The following SENP1 variants were observed in gnomAD, a reference collection of about 807,000 sequenced individuals.
The protein encoded by SENP1 is sentrin-specific protease 1.
In SENP1, 21 loss-of-function variants were observed where a neutral mutation model predicts 93.0. That is an observed-to-expected ratio of 0.23 (90% confidence interval 0.16 to 0.33). The LOEUF (loss-of-function observed/expected upper bound fraction) is 0.33. Ranked by LOEUF, SENP1 falls within the 10% of genes least tolerant of loss-of-function variation. The pLI, the probability that SENP1 is intolerant of heterozygous loss-of-function variation, is 1.00. For missense variants in SENP1, 591 were observed against 758.7 expected (o/e 0.78, Z 2.60); for synonymous variants, 256 against 259.6 (o/e 0.99, Z 0.13).
Position 48,083,665 on chromosome 12 carries a change from A to C in SENP1, c.478T>G (p.Trp160Gly). The C allele has an allele frequency of 6.2e-7, 1 of 1,613,804 alleles. No homozygotes were observed. The highest frequency in any genetic ancestry group is 8.5e-7 in the Non-Finnish European group (1 of 1,179,724). ...FPIKPVPSPS[W>G]SGSCRRSLLS... ...AGACTTCGACGACATGAACCACTCC[A>C]AGATGGACTTGGAACAGGTTTAATA... Residue 160 changes from tryptophan (W) to glycine (G), a missense_variant, in exon 6 of 18, where the codon TGG becomes GGG. Transcript: ENST00000549518.
chr12:48,060,734 C>A (rs1474084835), intron 13 of SENP1, among the ~76,000 whole-genome samples: 3 of 152,138 alleles, frequency 2.0e-5, no homozygotes. Flanking sequence ...AGGCATGAGC[C>A]ACTGCTCCCA....
In SENP1 at chr12:48,088,960, T is replaced by C. The variant is rs1276621123; in HGVS notation, c.221A>G (p.Asp74Gly). 1.3e-6 allele frequency: 2 copies of C among 1,570,876 alleles called. No homozygotes were observed. The highest frequency in any genetic ancestry group is 1.4e-5 in the African/African-American group (1 of 72,664). Residue 74 changes from aspartate (D) to glycine (G), a missense_variant and splice_region_variant, in exon 5 of 18, where the codon GAT becomes GGT. By Grantham distance (94) the Asp-to-Gly change is moderately conservative. Around this residue, in one of 4 missense-constraint regions of SENP1, gnomAD observed 214 missense variants for 243.4 expected, o/e 0.88. Coordinates refer to ENST00000549518, the MANE Select transcript of SENP1 (RefSeq NM_001267594.2). ...AAGAAAACTGTCTGAGGAAGGATTA[T>C]CTAAAAAAATAAAAGTTTGAATAAA... ...SAAYNPSYYS[D>G]NPSSDSFLGS...
chr12:48,063,895 G>A (rs936824448), intron 12 of SENP1, 54 bp from the exon 13 acceptor site: 35 of 1,528,466 alleles, frequency 2.3e-5, no homozygotes, highest in Middle Eastern at 1.7e-4. Flanking sequence ...CAGAAAAACC[G>A]TATTTCTCAC....
chr12:48,069,674 T>C (rs901130092), intron 9 of SENP1, among the ~76,000 whole-genome samples: 13 of 152,176 alleles, frequency 8.5e-5, no homozygotes, highest in Non-Finnish European at 1.5e-4. Flanking sequence ...AAGGTATCAA[T>C]ACTGGCATTT....
At chr12:48,048,201 A>T (rs1941517854) in intron 14 of SENP1, 121 bp from the exon 15 acceptor site, 1 of 653,808 alleles carries the variant, frequency 1.5e-6, no homozygotes, top group Non-Finnish European at 2.7e-6. Flanking sequence ...GACAAGTTTG[A>T]CTGATATTTT....
At chr12:48,081,596 T>C (rs1027575085) in intron 6 of SENP1, among the ~76,000 whole-genome samples, 64 of 130,862 alleles carry the variant, frequency 4.9e-4, no homozygotes, top group African/African-American at 1.7e-3. Flanking sequence ...TTTGAGACAG[T>C]GTCTTGCTCT....
At chr12:48,100,159 T>C (rs1057064549) in intron 2 of SENP1, among the ~76,000 whole-genome samples, 6 of 152,238 alleles carry the variant, frequency 3.9e-5, no homozygotes, top group African/African-American at 1.4e-4. Flanking sequence ...AACTTATTCC[T>C]AAATTAGCTA....
chr12:48,097,503 G>C (rs11168405), intron 3 of SENP1, among the ~76,000 whole-genome samples: 54 of 152,324 alleles, frequency 3.5e-4, no homozygotes, highest in African/African-American at 1.2e-3. Context: ...TAAATCAAAT[G>C]AGGATGTTTT....
intron 6 of SENP1, among the ~76,000 whole-genome samples, chr12:48,078,338 C>A (rs374620761): frequency 3.7e-5 from 1 of 26,832 alleles, no homozygotes; most frequent in Admixed American, 5.3e-4. Flanking sequence ...TATATATACA[C>A]ACACATATAT....
At chr12:48,076,057 T>C (rs1944048482) in intron 6 of SENP1, among the ~76,000 whole-genome samples, 1 of 152,210 alleles carries the variant, frequency 6.6e-6, no homozygotes, top group South Asian at 2.1e-4. Flanking sequence ...CCAGATTACA[T>C]AAGGACTTAC....
At chr12:48,056,001 T>C (rs1336563394) in intron 13 of SENP1, among the ~76,000 whole-genome samples, 1 of 130,600 alleles carries the variant, frequency 7.7e-6, no homozygotes, top group East Asian at 2.2e-4. Flanking sequence ...TATTATTTAA[T>C]ATATATTTTA....
At chr12:48,094,330 T>C (rs1188940083) in intron 4 of SENP1, among the ~76,000 whole-genome samples, 1 of 151,608 alleles carries the variant, frequency 6.6e-6, no homozygotes, top group South Asian at 2.1e-4. Context: ...CAGTGAGCCA[T>C]GAACATGTCA....
At chr12:48,072,485 C>T (rs1943773683) in intron 8 of SENP1, among the ~76,000 whole-genome samples, 1 of 152,148 alleles carries the variant, frequency 6.6e-6, no homozygotes, top group Admixed American at 6.5e-5. Context: ...GGCATAATGG[C>T]TCACACCTGT....
At chr12:48,045,595 A>G (rs1481770231) in intron 17 of SENP1, among the ~76,000 whole-genome samples, 8 of 152,122 alleles carry the variant, frequency 5.3e-5, no homozygotes, top group Non-Finnish European at 1.2e-4. Context: ...CTTAGAAGTT[A>G]CACTGGGTAT....
intron 6 of SENP1, chr12:48,081,455 ATTG>A (rs1393511362): frequency 6.6e-6 from 1 of 151,168 alleles, no homozygotes; most frequent in East Asian, 1.9e-4. Flanking sequence ...CCTTTTCATC[ATTG>A]TTGTCCAGCT....
At chr12:48,091,747 T>C (rs56129148) in intron 4 of SENP1, among the ~76,000 whole-genome samples, 79,103 of 151,946 alleles carry the variant, frequency 0.52, 20,947 homozygotes, top group East Asian at 0.83. Flanking sequence ...GGCACCATCA[T>C]GGCTCACTGC....
intron 6 of SENP1, among the ~76,000 whole-genome samples, chr12:48,078,821 C>A (rs78933666): frequency 0.029 from 4,380 of 152,192 alleles, 216 homozygotes; most frequent in African/African-American, 0.097. Flanking sequence ...TAAAAGAAAA[C>A]ATCTTTCTCT....
chr12:48,049,471 G>A (rs1311204119), intron 13 of SENP1, among the ~76,000 whole-genome samples: 1 of 152,044 alleles, frequency 6.6e-6, no homozygotes, highest in Non-Finnish European at 1.5e-5. Context: ...AGGAGAGGAA[G>A]GCATGCAAGC....
intron 4 of SENP1, chr12:48,089,372 T>C (rs1290550178): frequency 3.2e-6 from 4 of 1,265,004 alleles, no homozygotes; most frequent in Non-Finnish European, 4.1e-6. Flanking sequence ...ACAACAGTTA[T>C]TGATTACTAA....
Sources: gnomAD v4.1 joint callset for allele counts (sites outside exome capture counted in the v4.1 genomes callset) on GRCh38, gnomAD v4.1.1 for gene constraint, gnomAD v4.1.1 regional missense constraint, MANE v1.5 for transcripts, NCBI Gene and HGNC (gene_info 2026-07-23, HGNC 2026-07-21) for gene names.